The following TAFA5 variants were observed in gnomAD, a reference collection of about 807,000 sequenced individuals.
TAFA5 encodes TAFA chemokine like family member 5.
In TAFA5, 6 loss-of-function variants were observed where a neutral mutation model predicts 15.3. The ratio of observed to expected loss-of-function variants is 0.39; its 90% CI spans 0.21 to 0.77. TAFA5 has a LOEUF of 0.77. Ranked by LOEUF, TAFA5 falls within the 30% of genes least tolerant of loss-of-function variation. TAFA5 has a pLI of 0.41. For missense variants in TAFA5, 161 were observed against 193.1 expected, an observed-to-expected ratio of 0.83 and a Z score of 0.98; for synonymous variants, 103 against 80.7, an observed-to-expected ratio of 1.28 and a Z score of -1.48.
intron 1 of TAFA5, among the ~76,000 whole-genome samples, chr22:48,627,945 G>A (rs142685575): frequency 5.3e-4 from 81 of 152,352 alleles, no homozygotes; most frequent in African/African-American, 1.8e-3. Context: ...AGGCAGGTGT[G>A]TGCACTTACC....
chr22:48,709,921 GCAT>G (rs1229894140), intron 3 of TAFA5, among the ~76,000 whole-genome samples: 1 of 152,238 alleles, frequency 6.6e-6, no homozygotes, highest in East Asian at 1.9e-4. Flanking sequence ...GAGGCTGCTG[GCAT>G]CATCACATTT....
At chr22:48,747,845 C>T (rs990818031) in intron 3 of TAFA5, among the ~76,000 whole-genome samples, 18 of 149,336 alleles carry the variant, frequency 1.2e-4, no homozygotes, top group East Asian at 2.0e-4. Flanking sequence ...TGCGGTGAGC[C>T]GAGATCGCAC....
At chr22:48,578,066 G>A (rs1923883305) in intron 1 of TAFA5, among the ~76,000 whole-genome samples, 1 of 152,232 alleles carries the variant, frequency 6.6e-6, no homozygotes, top group Non-Finnish European at 1.5e-5. Context: ...CCTGGCAAAG[G>A]GGTCCCTGCT....
chr22:48,633,617 G>C (rs1021592874), intron 1 of TAFA5, among the ~76,000 whole-genome samples: 1 of 150,864 alleles, frequency 6.6e-6, no homozygotes, highest in African/African-American at 2.4e-5. Flanking sequence ...ATCTTTCTTG[G>C]TGCAAATTCC....
chr22:48,589,303 A>G (rs1338822248), intron 1 of TAFA5, among the ~76,000 whole-genome samples: 1 of 152,206 alleles, frequency 6.6e-6, no homozygotes, highest in African/African-American at 2.4e-5. Flanking sequence ...TTATGTGAAA[A>G]GGCAGAGTGA....
chr22:48,612,881 A>C (rs1371803672), intron 1 of TAFA5, among the ~76,000 whole-genome samples: 2 of 152,094 alleles, frequency 1.3e-5, no homozygotes, highest in African/African-American at 4.8e-5. Flanking sequence ...CCGACTGGTC[A>C]TCGTGGGGAG....
intron 1 of TAFA5, among the ~76,000 whole-genome samples, chr22:48,586,288 ACCT>A (rs914115447): frequency 6.6e-6 from 1 of 152,174 alleles, no homozygotes; most frequent in Non-Finnish European, 1.5e-5. Context: ...TTGCACACGC[ACCT>A]CCTGCTGCAG....
intron 3 of TAFA5, among the ~76,000 whole-genome samples, chr22:48,731,852 T>C (rs1929878466): frequency 1.3e-5 from 2 of 152,222 alleles, no homozygotes; most frequent in Non-Finnish European, 2.9e-5. Context: ...AGGAGTAATT[T>C]TGAAATTAAA....
chr22:48,649,841 G>C (rs530402016), intron 2 of TAFA5, among the ~76,000 whole-genome samples: 3 of 152,214 alleles, frequency 2.0e-5, no homozygotes, highest in African/African-American at 7.2e-5. Context: ...CATTACTTCC[G>C]CCCGCCTATC....
intron 3 of TAFA5, among the ~76,000 whole-genome samples, chr22:48,745,278 T>C (rs541209121): frequency 1.3e-5 from 2 of 150,382 alleles, no homozygotes; most frequent in African/African-American, 4.9e-5. Flanking sequence ...GGGTTCACCC[T>C]GAGCATTGGC....
At chr22:48,591,506 A>G (rs530406874) in intron 1 of TAFA5, among the ~76,000 whole-genome samples, 35 of 152,270 alleles carry the variant, frequency 2.3e-4, no homozygotes, top group African/African-American at 6.3e-4. Flanking sequence ...GGCAGCTGGG[A>G]GTTTCTGGGA....
intron 2 of TAFA5, among the ~76,000 whole-genome samples, chr22:48,658,698 G>A (rs776331620): frequency 1.3e-4 from 20 of 152,238 alleles, no homozygotes; most frequent in South Asian, 2.1e-4. Flanking sequence ...GAGAGTGGGG[G>A]CACTGGGTCT....
At chr22:48,585,030 T>C (rs1200653100) in intron 1 of TAFA5, among the ~76,000 whole-genome samples, 1 of 95,108 alleles carries the variant, frequency 1.1e-5, no homozygotes, top group East Asian at 3.3e-4. Context: ...CCACACACAC[T>C]AGATACCACA....
intron 1 of TAFA5, among the ~76,000 whole-genome samples, chr22:48,500,458 G>A (rs1240084330): frequency 1.3e-5 from 2 of 152,222 alleles, no homozygotes; most frequent in Non-Finnish European, 1.5e-5. Context: ...GGAGCAAAGT[G>A]AGCTTGCACA....
intron 1 of TAFA5, chr22:48,545,283 T>A: frequency 4.1e-6 from 1 of 246,552 alleles, no homozygotes; most frequent in African/African-American, 2.2e-5. Context: ...CCTGGCACAG[T>A]GTTCCTGGTG....
In TAFA5 at chr22:48,552,080, C is replaced by T. The variant is rs1379235762; in HGVS notation, c.112+62376C>T. 1.3e-5 allele frequency among the ~76,000 whole-genome samples: 2 copies of T among 152,248 alleles called. No individual in the cohort carries two copies. The highest frequency in any genetic ancestry group is 2.4e-5 in the African/African-American group (1 of 41,468). On this transcript the variant is annotated intron_variant, in intron 1 of 3. Coordinates refer to ENST00000402357, the MANE Select transcript of TAFA5 (RefSeq NM_001082967.3). This position sits in a 1 kb window ranked among gnomAD's most constrained non-coding sequence, Gnocchi z 4.1. ...CCTCCAGTGCTCCCTCTGCTGTGCT[C>T]TGTCACTGTGGCTGTGTGGCTGCAG...
chr22:48,546,833 C>T (rs991461971), intron 1 of TAFA5: 1 of 311,810 alleles, frequency 3.2e-6, no homozygotes, highest in Non-Finnish European at 6.4e-6. Flanking sequence ...CAGGAGGCTC[C>T]ACCCTCTCGT....
chr22:48,576,236 C>T (rs1211534031), intron 1 of TAFA5: 4 of 410,422 alleles, frequency 9.7e-6, no homozygotes, highest in Non-Finnish European at 1.5e-5. Flanking sequence ...TTTCTGCTAA[C>T]CTCCCCGCCC....
chr22:48,591,548 C>T lies in TAFA5; in HGVS notation c.113-55049C>T, dbSNP rs375325951. On this transcript the variant is annotated intron_variant, in intron 1 of 3. Transcript: ENST00000402357. ...GAGGCCTCGCATTGGACAGAGTCAT[C>T]CTGCTGGCGCAGGGAGTGGGCACTG... is the stretch of plus-strand genomic sequence containing the variant. 3.9e-5 allele frequency among the ~76,000 whole-genome samples: 6 copies of T among 152,264 alleles called. No homozygotes were observed. The East Asian group carries it at 7.7e-4, about 20-fold the overall frequency.
Sources: gnomAD v4.1 joint callset for allele counts (sites outside exome capture counted in the v4.1 genomes callset) on GRCh38, gnomAD v4.1.1 for gene constraint, Gnocchi (gnomAD v3.1) non-coding constraint, MANE v1.5 for transcripts, NCBI Gene and HGNC (gene_info 2026-07-23, HGNC 2026-07-21) for gene names.